The following ZNF346 variants were observed in gnomAD, a reference collection of about 807,000 sequenced individuals.
The protein encoded by ZNF346 is zinc finger protein 346, also known as double-stranded RNA-binding zinc finger protein JAZ.
In ZNF346, 23 loss-of-function variants were observed where a neutral mutation model predicts 33.7. That is an observed-to-expected ratio of 0.68 (90% CI 0.49 to 0.97). ZNF346 has a LOEUF of 0.97. Ranked by LOEUF, ZNF346 falls within the 50% of genes least tolerant of loss-of-function variation. The pLI is 0.00. For synonymous variants in ZNF346, 134 were observed against 142.4 expected, an observed-to-expected ratio of 0.94 and a Z score of 0.42; for missense variants, 340 against 371.1, an observed-to-expected ratio of 0.92 and a Z score of 0.69.
At chr5:177,048,427 G>C (rs1304589821) in intron 4 of ZNF346, among the ~76,000 whole-genome samples, 1 of 152,148 alleles carries the variant, frequency 6.6e-6, no homozygotes, top group Non-Finnish European at 1.5e-5. Context: ...TTTGAGACCA[G>C]CCTGACCAAC....
In ZNF346 at chr5:177,032,633, A is replaced by T. The variant is rs1040670538; in HGVS notation, c.176-8493A>T. ...ACCACGTTGGCCAGCCTGGTCTCAA[A>T]CTCCTGACCTCAGGTGATCCGCCCG... On this transcript the variant is annotated intron_variant, in intron 1 of 6. Transcript: ENST00000358149. Among the ~76,000 whole-genome samples the T allele has an allele frequency of 8.1e-5, 12 of 148,660 alleles. No individual in the cohort carries two copies. The East Asian group carries it at 2.4e-3, about 30-fold the overall frequency.
rs1422419011 is a variant in ZNF346 at position 177,066,200 on chromosome 5, A to G, written c.*1601A>G. ...CACCTTCTCCTGCTTCTCCTGTCAC[A>G]TAGGGCCTCATGAAGGTCTTTAAAG... On this transcript the variant is annotated 3_prime_UTR_variant, in exon 7 of 7. Coordinates refer to ENST00000358149, the MANE Select transcript of ZNF346 (RefSeq NM_012279.4). Among the ~76,000 whole-genome samples the G allele has an allele frequency of 1.3e-5, 2 of 150,748 alleles. No homozygotes were observed. Among genetic ancestry groups the G allele is most frequent in the Non-Finnish European group, 3.0e-5 (2 of 67,788 alleles).
chr5:177,059,038 T>A (rs938012438), intron 5 of ZNF346, among the ~76,000 whole-genome samples: 8 of 152,284 alleles, frequency 5.3e-5, no homozygotes, highest in African/African-American at 1.7e-4. Flanking sequence ...CCCGGCCTAT[T>A]TAGGTTTGTT....
At position 177,066,585 on chromosome 5, in the gene ZNF346, T is replaced by C. The variant is rs912790956; in HGVS notation, c.*1986T>C. ...AAAAATGAGCTGAGAAGGAGTGTTATGGCCAGGTGCGGCGTCATGCACCTA... is the reference window on the plus strand; with the variant it reads ...AAAAATGAGCTGAGAAGGAGTGTTACGGCCAGGTGCGGCGTCATGCACCTA... On this transcript the variant is annotated 3_prime_UTR_variant, in exon 7 of 7. Coordinates refer to ENST00000358149, the MANE Select transcript of ZNF346 (RefSeq NM_012279.4). 6.6e-6 allele frequency among the ~76,000 whole-genome samples: 1 copy of C among 151,998 alleles called. No homozygotes were observed. Among genetic ancestry groups the C allele is most frequent in the Non-Finnish European group, 1.5e-5 (1 of 68,012 alleles).
At chr5:177,039,219 GC>G (rs1368685472) in intron 1 of ZNF346, among the ~76,000 whole-genome samples, 43 of 151,994 alleles carry the variant, frequency 2.8e-4, no homozygotes, top group Admixed American at 2.0e-4. Context: ...AAAGTTCTGG[GC>G]CAATTTTGTT....
intron 4 of ZNF346, among the ~76,000 whole-genome samples, chr5:177,046,905 A>G (rs1780114642): frequency 6.7e-6 from 1 of 149,312 alleles, no homozygotes; most frequent in Non-Finnish European, 1.5e-5. Flanking sequence ...TACAAAGAAG[A>G]AAGTAAAATA....
chr5:177,069,338 T>C (rs1330930158), downstream of ZNF346, among the ~76,000 whole-genome samples: 2 of 151,856 alleles, frequency 1.3e-5, no homozygotes, highest in Non-Finnish European at 2.9e-5. Context: ...ATGCCTGTAA[T>C]CTCAGCTGCT....
At chr5:177,047,858 C>CT (rs933616065) in intron 4 of ZNF346, among the ~76,000 whole-genome samples, 10 of 152,036 alleles carry the variant, frequency 6.6e-5, no homozygotes, top group Admixed American at 3.9e-4. Context: ...AGGCAGATCT[C>CT]TAACTCCTGA....
chr5:177,056,612 G>C (rs1056776443), intron 5 of ZNF346, among the ~76,000 whole-genome samples: 1 of 152,208 alleles, frequency 6.6e-6, no homozygotes, highest in Non-Finnish European at 1.5e-5. Flanking sequence ...CATGTCCTTT[G>C]TAGGGACGTG....
intron 5 of ZNF346, among the ~76,000 whole-genome samples, chr5:177,055,304 G>A (rs181719637): frequency 6.6e-6 from 1 of 152,174 alleles, no homozygotes; most frequent in East Asian, 1.9e-4. Flanking sequence ...AAAGTGCTGG[G>A]ATTACAGGTG....
At chr5:177,051,170 C>CTTTTTT (rs906484576) in intron 5 of ZNF346, among the ~76,000 whole-genome samples, 460 of 104,808 alleles carry the variant, frequency 4.4e-3, no homozygotes, top group African/African-American at 7.4e-3. Flanking sequence ...GTTTTCTTTT[C>CTTTTTT]TTTTTTTTTT....
intron 1 of ZNF346, among the ~76,000 whole-genome samples, chr5:177,024,225 G>A: frequency 1.1e-5 from 1 of 87,184 alleles, no homozygotes; most frequent in Non-Finnish European, 2.2e-5. Flanking sequence ...TTTTTTGAGA[G>A]AGTCTCACTC....
intron 8 of ZNF346, among the ~76,000 whole-genome samples, chr5:177,078,273 C>T (rs992842392): frequency 1.3e-5 from 2 of 152,224 alleles, no homozygotes; most frequent in Admixed American, 6.5e-5. Flanking sequence ...GAAGAATGCT[C>T]AGCAACAAAG....
intron 1 of ZNF346, among the ~76,000 whole-genome samples, chr5:177,037,880 TCTA>T (rs1778732089): frequency 6.6e-6 from 1 of 152,168 alleles, no homozygotes; most frequent in Non-Finnish European, 1.5e-5. Context: ...TTCAACATCA[TCTA>T]CTAGGCCTCA....
At chr5:177,054,606 G>C (rs1781421200) in intron 5 of ZNF346, among the ~76,000 whole-genome samples, 1 of 150,896 alleles carries the variant, frequency 6.6e-6, no homozygotes, top group African/African-American at 2.4e-5. Context: ...TCACCATGTT[G>C]GCCAGGCTGG....
At chr5:177,023,330 C>A in intron 1 of ZNF346, 2 of 896,300 alleles carry the variant, frequency 2.2e-6, no homozygotes, top group Admixed American at 2.0e-5. Flanking sequence ...TTCTCTCAAG[C>A]CCCACACTTC....
At chr5:177,038,767 G>A (rs889193319) in intron 1 of ZNF346, among the ~76,000 whole-genome samples, 4 of 152,014 alleles carry the variant, frequency 2.6e-5, no homozygotes, top group Admixed American at 2.6e-4. Context: ...ATCTCCAGGT[G>A]AGGAAGTGAT....
rs1298144457 is a variant in ZNF346 at position 177,022,877 on chromosome 5, G to T, written c.139G>T (p.Ala47Ser). 6.6e-7 allele frequency: 1 copy of T among 1,514,970 alleles called. No individual in the cohort carries two copies. The highest frequency in any genetic ancestry group is 2.2e-5 in the Admixed American group (1 of 45,974). The allele number at this position is 1,514,970 out of a possible 1,614,324, so 93.8% of individuals were successfully genotyped here. The change falls in exon 1 of 7, where the codon GCC (alanine) becomes TCC (serine). Residue 47 changes from alanine to serine, a missense_variant. Transcript: ENST00000358149. ...CGAGAGGGCGCGCCGCCTGTGGGAA[G>T]CCGTGTCCGGTGCCCAGCCGGTGGG... is the stretch of plus-strand genomic sequence containing the variant. ...DRERARRLWE[A>S]VSGAQPVGRE...
At chr5:177,026,482 C>T (rs935196818) in intron 1 of ZNF346, among the ~76,000 whole-genome samples, 2 of 151,328 alleles carry the variant, frequency 1.3e-5, no homozygotes, top group Non-Finnish European at 2.9e-5. Context: ...GCCTCAGCCT[C>T]CTGAGTAGCT....
Sources: allele counts gnomAD v4.1 joint callset (sites outside exome capture counted in the v4.1 genomes callset), GRCh38; gene constraint gnomAD v4.1.1; transcripts MANE v1.5; gene names NCBI Gene and HGNC (gene_info 2026-07-23, HGNC 2026-07-21).